The following NDNF variants were observed in gnomAD, a reference collection of about 807,000 sequenced individuals.
NDNF encodes protein NDNF.
In NDNF, 16 loss-of-function variants were observed where a neutral mutation model predicts 42.0. That is an observed-to-expected ratio of 0.38 (90% CI 0.26 to 0.58). NDNF has a LOEUF of 0.58. Ranked by LOEUF, NDNF falls within the 20% of genes least tolerant of loss-of-function variation. The probability of loss-of-function intolerance (pLI) is 0.67; values close to 1 mark genes in which losing one functional copy is unlikely to be tolerated. For missense variants in NDNF, 616 were observed against 666.2 expected (o/e 0.92, Z 0.83); for synonymous variants, 248 against 251.7 (o/e 0.99, Z 0.14).
At chr4:121,050,974 A>G (rs1023269789) in intron 1 of NDNF, among the ~76,000 whole-genome samples, 4 of 152,188 alleles carry the variant, frequency 2.6e-5, no homozygotes, top group Non-Finnish European at 1.5e-5. Flanking sequence ...AATCCAAAGT[A>G]AATAACTAGT....
chr4:121,057,345 A>T (rs1329790799), intron 1 of NDNF, among the ~76,000 whole-genome samples: 1 of 152,184 alleles, frequency 6.6e-6, no homozygotes, highest in Non-Finnish European at 1.5e-5. Context: ...TTAACAGATG[A>T]GAACACTGAG....
chr4:121,050,023 T>C (rs1007852686), intron 1 of NDNF, among the ~76,000 whole-genome samples: 2 of 152,200 alleles, frequency 1.3e-5, no homozygotes, highest in African/African-American at 4.8e-5. Context: ...TTGGTCAGGT[T>C]ACAGGCAGAA....
At position 121,037,341 on chromosome 4, in the gene NDNF, C is replaced by G. The variant is rs1468850185; in HGVS notation, c.630G>C (p.Gln210His). Residue 210 changes from glutamine to histidine, a missense_variant, in exon 4 of 4, where the codon CAG becomes CAC. By Grantham distance (24) the Gln-to-His change is conservative. Coordinates refer to ENST00000379692, the MANE Select transcript of NDNF (RefSeq NM_024574.4). ...PTASLLKQPI[Q>H]YCVVINKEHN... ...GCTCTTTGTTGATGACCACACAGTA[C>G]TGAATGGGTTGTTTCAGCAAAGAGG... The G allele has an allele frequency of 2.5e-6, 4 of 1,614,104 alleles. No individual in the cohort carries two copies. Among genetic ancestry groups the G allele is most frequent in the Non-Finnish European group, 2.5e-6 (3 of 1,180,020 alleles).
At chr4:121,067,018 C>T (rs1245233380) in intron 1 of NDNF, among the ~76,000 whole-genome samples, 2 of 152,178 alleles carry the variant, frequency 1.3e-5, no homozygotes, top group Non-Finnish European at 2.9e-5. Flanking sequence ...AGAAAGCAAA[C>T]GTGCATGCAT....
At chr4:121,045,951 A>T (rs975678974) in intron 1 of NDNF, 113 bp from the exon 2 acceptor site, 2 of 981,334 alleles carry the variant, frequency 2.0e-6, no homozygotes. Context: ...TTAGGGACGC[A>T]TCATGTATTT....
chr4:121,059,006 TTCCC>T (rs1727351079), intron 1 of NDNF, among the ~76,000 whole-genome samples: 1 of 152,084 alleles, frequency 6.6e-6, no homozygotes, highest in East Asian at 1.9e-4. Context: ...CTGCTTCATA[TTCCC>T]AGCAAGTGCC....
intron 3 of NDNF, chr4:121,037,874 T>C: frequency 2.5e-6 from 1 of 404,260 alleles, no homozygotes; most frequent in Non-Finnish European, 4.3e-6. Context: ...AAATTATTTC[T>C]TCAGAGCAGA....
chr4:121,053,807 T>C (rs1468339457), intron 1 of NDNF, among the ~76,000 whole-genome samples: 4 of 152,248 alleles, frequency 2.6e-5, no homozygotes, highest in African/African-American at 9.6e-5. Flanking sequence ...TTGGTTGCTT[T>C]TCTTGCTTTT....
At position 121,039,192 on chromosome 4, in the gene NDNF, GTATATATA is replaced by G. The variant is rs57613027; in HGVS notation, c.313+730_313+737del. 3.1e-3 allele frequency among the ~76,000 whole-genome samples: 67 copies of G among 21,530 alleles called. 1 individual carries two copies. The highest frequency in any genetic ancestry group is 0.011 in the East Asian group (5 of 448). The allele number at this position is 21,530 out of a possible 152,430, so 14.1% of individuals were successfully genotyped here. ...ATATAAAGACTATGTGTGTGTGTGT[GTATATATA>G]TATATATATATATATATATATATAT... On this transcript the variant is annotated intron_variant, in intron 3 of 3. Coordinates refer to ENST00000379692, the MANE Select transcript of NDNF (RefSeq NM_024574.4).
At chr4:121,066,063 C>G (rs1727494613) in intron 1 of NDNF, among the ~76,000 whole-genome samples, 1 of 152,106 alleles carries the variant, frequency 6.6e-6, no homozygotes, top group South Asian at 2.1e-4. Flanking sequence ...TCCCTGGTAC[C>G]TCTAAGGCCA....
chr4:121,056,796 C>A (rs1377147789), intron 1 of NDNF, among the ~76,000 whole-genome samples: 3 of 152,232 alleles, frequency 2.0e-5, no homozygotes, highest in African/African-American at 7.2e-5. Flanking sequence ...GTTTTAAAAA[C>A]TGCCTTGGTG....
At position 121,039,953 on chromosome 4, in the gene NDNF, T is replaced by C. The variant is rs374038488; in HGVS notation, c.290A>G (p.Glu97Gly). ...EWKLSLQELPEDRSGEGSGDL... is the reference protein window; with the variant it reads ...EWKLSLQELPGDRSGEGSGDL... Reference sequence around the variant, plus strand: ...ACCTGAGCCTTCCCCGCTCCTGTCCTCTGGCAGCTCCTGGAGGCTCAGCTT... The same window carrying C: ...ACCTGAGCCTTCCCCGCTCCTGTCCCCTGGCAGCTCCTGGAGGCTCAGCTT... Residue 97 changes from glutamate to glycine, a missense_variant, in exon 3 of 4, where the codon GAG becomes GGG. Coordinates refer to ENST00000379692, the MANE Select transcript of NDNF (RefSeq NM_024574.4). The C allele has an allele frequency of 6.4e-5, 104 of 1,613,948 alleles. No individual in the cohort carries two copies. In the African/African-American group the frequency reaches 1.2e-3, roughly 19 times the overall value.
rs896344314 is a variant in NDNF at position 121,036,081 on chromosome 4, C to G, written c.*183G>C. ...CACACACTAGGTACCATGGGGCACG[C>G]TAGAACAAGTCTCCTTCAAGAGTTA... On this transcript the variant is annotated 3_prime_UTR_variant, in exon 4 of 4. Transcript: ENST00000379692. The G allele has an allele frequency of 3.1e-5, 18 of 588,306 alleles. No individual in the cohort carries two copies. Among genetic ancestry groups the G allele is most frequent in the Admixed American group, 1.0e-4 (3 of 28,988 alleles). 36.4% of individuals were successfully genotyped at this position (588,306 alleles called of 1,614,324 possible). A position where few individuals can be genotyped will look rare whatever the true frequency, so the allele number is the denominator to read the frequency against.
rs553045231 is a variant in NDNF, at chr4:121,067,501, A to G, written c.-2+4492T>C. The stretch of plus-strand genomic sequence containing the variant: ...GAAGTTATTGAAAGAATGATGACAT[A>G]TATCTTGAAAGTTTCTATACTTTTC... On this transcript the variant is annotated intron_variant, in intron 1 of 3. Coordinates refer to ENST00000379692, the MANE Select transcript of NDNF (RefSeq NM_024574.4). 5.4e-4 allele frequency among the ~76,000 whole-genome samples: 82 copies of G among 152,202 alleles called. 1 individual carries two copies. Among genetic ancestry groups the G allele is most frequent in the Non-Finnish European group, 8.8e-4 (60 of 68,022 alleles).
intron 3 of NDNF, among the ~76,000 whole-genome samples, chr4:121,039,590 C>A (rs1221748837): frequency 1.3e-5 from 2 of 152,002 alleles, no homozygotes; most frequent in Non-Finnish European, 2.9e-5. Context: ...TCAAATCAGA[C>A]CTTTGCAAGA....
At chr4:121,045,431 C>T (rs773674314) in intron 2 of NDNF, among the ~76,000 whole-genome samples, 6 of 152,076 alleles carry the variant, frequency 3.9e-5, no homozygotes, top group Non-Finnish European at 1.5e-5. Flanking sequence ...CAAGCATTGC[C>T]TCCTACACGC....
In NDNF at chr4:121,039,993, C is replaced by T; in HGVS notation, c.250G>A (p.Ala84Thr). 6.2e-7 allele frequency: 1 copy of T among 1,614,006 alleles called. No homozygotes were observed. Among genetic ancestry groups the T allele is most frequent in the Non-Finnish European group, 8.5e-7 (1 of 1,179,910 alleles). ...AGGCTCAGCTTCCACTCCAAAGGCGCATCACAGGGCGTCACTGTGACTGAT... is the reference window on the plus strand; with the variant it reads ...AGGCTCAGCTTCCACTCCAAAGGCGTATCACAGGGCGTCACTGTGACTGAT... Reference protein sequence around the residue: ...PLSVTVTPCDAPLEWKLSLQE... With the variant: ...PLSVTVTPCDTPLEWKLSLQE... The change falls in exon 3 of 4, where the codon GCG (alanine) becomes ACG (threonine). Residue 84 changes from alanine to threonine, a missense_variant. Coordinates refer to ENST00000379692, the MANE Select transcript of NDNF (RefSeq NM_024574.4).
chr4:121,064,689 GGTCTCCAAACCTCTTAGAATT>G (rs1049286005), intron 1 of NDNF, among the ~76,000 whole-genome samples: 1 of 152,030 alleles, frequency 6.6e-6, no homozygotes, highest in Non-Finnish European at 1.5e-5. Context: ...TGAGGTCTGA[GGTCTCCAAACCTCTTAGAATT>G]GTGATTTAAA....
chr4:121,045,453 A>G (rs1292100267), intron 2 of NDNF, among the ~76,000 whole-genome samples, 197 bp downstream of exon 2: 2 of 152,208 alleles, frequency 1.3e-5, no homozygotes, highest in African/African-American at 4.8e-5. Context: ...AAAGGAGATG[A>G]CAATCAGCAA....
Sources: allele counts gnomAD v4.1 joint callset (sites outside exome capture counted in the v4.1 genomes callset), GRCh38; gene constraint gnomAD v4.1.1; transcripts MANE v1.5; gene names NCBI Gene and HGNC (gene_info 2026-07-23, HGNC 2026-07-21).